Variants in MAGI2 observed in about 807,000 individuals in gnomAD.
MAGI2 encodes the protein membrane-associated guanylate kinase, WW and PDZ domain-containing protein 2.
In MAGI2, 35 loss-of-function variants were observed where a neutral mutation model predicts 133.3. The ratio of observed to expected loss-of-function variants is 0.26; its 90% confidence interval spans 0.20 to 0.35. The LOEUF (loss-of-function observed/expected upper bound fraction) is 0.35, where lower values mean the gene tolerates loss of function less well. MAGI2 is among the 10% of genes least tolerant of loss of function. MAGI2 has a pLI of 1.00. For synonymous variants in MAGI2, 729 were observed against 710.6 expected (o/e 1.03, Z -0.41); for missense variants, 1,636 against 1,863.4 (o/e 0.88, Z 2.25).
intron 2 of MAGI2, among the ~76,000 whole-genome samples, chr7:78,842,481 C>A (rs1210287595): frequency 1.3e-5 from 2 of 151,762 alleles, no homozygotes; most frequent in Admixed American, 6.6e-5. Flanking sequence ...TTTAATAATA[C>A]CTGTATAATT....
intron 3 of MAGI2, among the ~76,000 whole-genome samples, chr7:78,580,436 A>G (rs368808987): frequency 1.2e-3 from 184 of 152,348 alleles, no homozygotes; most frequent in African/African-American, 4.1e-3. Flanking sequence ...CACAAATGTT[A>G]TCTGATGAGT....
At chr7:78,372,139 G>A (rs1467734649) in intron 6 of MAGI2, among the ~76,000 whole-genome samples, 1 of 151,936 alleles carries the variant, frequency 6.6e-6, no homozygotes, top group Non-Finnish European at 1.5e-5. Flanking sequence ...TTCTTTTATT[G>A]ACATTTTGCT....
chr7:79,037,670 A>C (rs1414925663), intron 1 of MAGI2, among the ~76,000 whole-genome samples: 1 of 152,216 alleles, frequency 6.6e-6, no homozygotes, highest in Non-Finnish European at 1.5e-5. Flanking sequence ...GTCAGAGCTC[A>C]AATTTTCCAA....
At chr7:78,139,078 A>G (rs1183735146) in intron 16 of MAGI2, among the ~76,000 whole-genome samples, 4 of 152,236 alleles carry the variant, frequency 2.6e-5, no homozygotes, top group Admixed American at 1.3e-4. Context: ...AATAAAAACT[A>G]AGATAAAAGA....
chr7:79,423,224 T>TTAA (rs5885137), intron 1 of MAGI2, among the ~76,000 whole-genome samples: 5 of 151,522 alleles, frequency 3.3e-5, no homozygotes, highest in African/African-American at 1.2e-4. Context: ...ACATCATCAA[T>TTAA]AAAAACTATA....
chr7:79,029,309 A>G (rs1299677381), intron 1 of MAGI2, among the ~76,000 whole-genome samples: 1 of 152,184 alleles, frequency 6.6e-6, no homozygotes, highest in African/African-American at 2.4e-5. Flanking sequence ...CAAAGCAGCT[A>G]TCAATTTCAT....
At chr7:78,796,044 C>T (rs1454296529) in intron 2 of MAGI2, among the ~76,000 whole-genome samples, 4 of 152,180 alleles carry the variant, frequency 2.6e-5, no homozygotes, top group Non-Finnish European at 5.9e-5. Context: ...GAAGAAAACA[C>T]TGTGGAAATG....
chr7:78,525,123 C>A (rs556998728), intron 3 of MAGI2, among the ~76,000 whole-genome samples: 3 of 152,026 alleles, frequency 2.0e-5, no homozygotes, highest in South Asian at 2.1e-4. Context: ...ATAAATTATA[C>A]AACAATATTC....
chr7:79,268,824 G>A (rs992288603), intron 1 of MAGI2, among the ~76,000 whole-genome samples: 7 of 152,206 alleles, frequency 4.6e-5, no homozygotes, highest in African/African-American at 9.6e-5. Context: ...ACAGGGGGTC[G>A]CTGTGCTGGC....
chr7:78,467,675 A>T (rs1398292230), intron 6 of MAGI2, among the ~76,000 whole-genome samples: 1 of 152,050 alleles, frequency 6.6e-6, no homozygotes, highest in Non-Finnish European at 1.5e-5. Context: ...AAAAGTACTA[A>T]GATAACTGAG....
intron 11 of MAGI2, among the ~76,000 whole-genome samples, chr7:78,195,578 G>A (rs561819199): frequency 2.0e-5 from 3 of 152,178 alleles, no homozygotes; most frequent in Admixed American, 6.5e-5. Flanking sequence ...CAGTTTAGAC[G>A]TAATTATGCA....
intron 2 of MAGI2, among the ~76,000 whole-genome samples, chr7:78,633,614 G>C (rs1429776013): frequency 6.6e-6 from 1 of 150,840 alleles, no homozygotes; most frequent in Non-Finnish European, 1.5e-5. Flanking sequence ...GCTGAGGCAG[G>C]AGAATGGCGT....
intron 2 of MAGI2, among the ~76,000 whole-genome samples, chr7:78,757,919 A>G (rs1302686757): frequency 1.3e-5 from 2 of 152,264 alleles, no homozygotes; most frequent in East Asian, 3.9e-4. Context: ...GAATTCCAGA[A>G]CGATACACCC....
intron 1 of MAGI2, among the ~76,000 whole-genome samples, chr7:79,124,386 G>T (rs1345430335): frequency 2.0e-5 from 3 of 152,126 alleles, no homozygotes; most frequent in Admixed American, 2.0e-4. Flanking sequence ...TATTATAAAA[G>T]TTATCCTCAT....
intron 16 of MAGI2, among the ~76,000 whole-genome samples, chr7:78,154,909 T>A (rs1563190557): frequency 6.8e-6 from 1 of 146,556 alleles, no homozygotes; most frequent in Non-Finnish European, 1.5e-5. Context: ...CCCTGGGACA[T>A]TTTACAGAGC....
At chr7:78,247,550 CAG>C (rs1563322569) in intron 10 of MAGI2, among the ~76,000 whole-genome samples, 1 of 151,892 alleles carries the variant, frequency 6.6e-6, no homozygotes. Flanking sequence ...TGAAAAAAAT[CAG>C]AGAAACAGTT....
intron 9 of MAGI2, among the ~76,000 whole-genome samples, chr7:78,280,593 T>C (rs1039199043): frequency 6.6e-5 from 10 of 152,108 alleles, no homozygotes; most frequent in African/African-American, 2.4e-4. Flanking sequence ...AAGAGTCCCG[T>C]GACATATAAG....
At chr7:78,257,203 G>A (rs1412361694) in intron 9 of MAGI2, among the ~76,000 whole-genome samples, 1 of 152,156 alleles carries the variant, frequency 6.6e-6, no homozygotes, top group Non-Finnish European at 1.5e-5. Flanking sequence ...ACAGATACAT[G>A]ATATTGACCA....
At chr7:78,544,274 T>C (rs1381768128) in intron 3 of MAGI2, among the ~76,000 whole-genome samples, 1 of 152,250 alleles carries the variant, frequency 6.6e-6, no homozygotes, top group Non-Finnish European at 1.5e-5. Context: ...AAGACAGGTA[T>C]CTGTGTCAGG....
Sources: gnomAD v4.1 joint callset for allele counts (sites outside exome capture counted in the v4.1 genomes callset) on GRCh38, gnomAD v4.1.1 for gene constraint, MANE v1.5 for transcripts, NCBI Gene and HGNC (gene_info 2026-07-23, HGNC 2026-07-21) for gene names.